Variants in PIK3R6 observed in about 807,000 individuals in gnomAD.
PIK3R6 encodes the protein phosphoinositide 3-kinase regulatory subunit 6.
In PIK3R6, 91 loss-of-function variants were observed where a neutral mutation model predicts 84.9. The observed-to-expected ratio is 1.07, with a 90% CI of 0.90 to 1.28. The LOEUF (loss-of-function observed/expected upper bound fraction) is 1.28, where lower values mean the gene tolerates loss of function less well. PIK3R6 is among the 50% of genes most tolerant of loss of function. The probability of loss-of-function intolerance (pLI) is 0.00; values close to 1 mark genes in which losing one functional copy is unlikely to be tolerated. For missense variants in PIK3R6, 996 were observed against 985.1 expected (o/e 1.01, Z -0.15); for synonymous variants, 416 against 411.4 (o/e 1.01, Z -0.13).
chr17:8,844,113 C>T lies in PIK3R6; in HGVS notation c.14-4416G>A, dbSNP rs963980735. 1.3e-5 allele frequency among the ~76,000 whole-genome samples: 2 copies of T among 152,148 alleles called. No individual in the cohort carries two copies. The highest frequency in any genetic ancestry group is 2.9e-5 in the Non-Finnish European group (2 of 68,024). Reference sequence around the variant, plus strand: ...GTGGCGGCAAAGGTCAGATGAAGGCCGCTAAGCACTGAGCCCTGTGCCTCT... The same window carrying T: ...GTGGCGGCAAAGGTCAGATGAAGGCTGCTAAGCACTGAGCCCTGTGCCTCT... On this transcript the variant is annotated intron_variant, in intron 2 of 19. Transcript: ENST00000619866. The surrounding 1 kb of genome is among the most constrained non-coding windows in gnomAD (Gnocchi z 4.5).
chr17:8,830,037 G>C (rs1357975436), intron 9 of PIK3R6, among the ~76,000 whole-genome samples: 1 of 152,148 alleles, frequency 6.6e-6, no homozygotes, highest in East Asian at 1.9e-4. Flanking sequence ...AACCCTTAGG[G>C]GGTCTTCACA....
chr17:8,804,820 G>A lies in PIK3R6; in HGVS notation c.1996-667C>T, dbSNP rs59037550. Among the ~76,000 whole-genome samples the A allele has an allele frequency of 3.3e-5, 5 of 152,298 alleles. No individual in the cohort carries two copies. The East Asian group carries it at 9.6e-4, about 29-fold the overall frequency. On this transcript the variant is annotated intron_variant, in intron 18 of 19. Transcript: ENST00000619866. The stretch of plus-strand genomic sequence containing the variant: ...GGTAATTTACAACCACAGAACCCTG[G>A]AGTTGCCAGAGGCCTCAGAGACCAT...
At chr17:8,847,794 C>T (rs1220356848) in intron 2 of PIK3R6, among the ~76,000 whole-genome samples, 2 of 148,374 alleles carry the variant, frequency 1.3e-5, no homozygotes, top group Non-Finnish European at 3.0e-5. Context: ...CAGAGAGAGA[C>T]TCTGTCTCAA....
At position 8,849,769 on chromosome 17, in the gene PIK3R6, C is replaced by T. The variant is rs116036624; in HGVS notation, c.13+13G>A. The T allele has an allele frequency of 1.7e-3, 2,711 of 1,611,624 alleles. 53 individuals carry two copies. The African/African-American group carries it at 0.033, about 19-fold the overall frequency. On this transcript the variant is annotated intron_variant, in intron 2 of 19. Coordinates refer to ENST00000619866, the MANE Select transcript of PIK3R6 (RefSeq NM_001010855.4). The stretch of plus-strand genomic sequence containing the variant: ...GCAGGCTCACTAGACCCCTTTCCCC[C>T]CACCACACTGACCTGAGCTCTCCAT...
chr17:8,832,783 C>A (rs1047456858), intron 9 of PIK3R6, 106 bp downstream of exon 9: 1 of 1,544,456 alleles, frequency 6.5e-7, no homozygotes, highest in South Asian at 1.2e-5. Context: ...GTCGGCCAGG[C>A]ACCCAGACAG....
At chr17:8,829,604 A>ACC (rs2088155887) in intron 10 of PIK3R6, 102 bp downstream of exon 10, 1 of 1,207,020 alleles carries the variant, frequency 8.3e-7, no homozygotes, top group African/African-American at 1.6e-5. Flanking sequence ...TCATGCATAC[A>ACC]CACACTGACA....
Position 8,822,580 on chromosome 17 carries a change from C to T in PIK3R6, c.1788+7G>A. The T allele has an allele frequency of 6.2e-7, 1 of 1,613,998 alleles. No individual in the cohort carries two copies. The highest frequency in any genetic ancestry group is 8.5e-7 in the Non-Finnish European group (1 of 1,179,848). ...GCTACCTACTGACCACGTCCATGCA[C>T]ACTGACCTTCTGGTAGCATAGGGAG... On this transcript the variant is annotated splice_region_variant and intron_variant, in intron 16 of 19. Transcript: ENST00000619866.
rs527500052 is a variant in PIK3R6 at position 8,804,141 on chromosome 17, T to C, written c.2008A>G (p.Thr670Ala). ...ATCTGGATATTGTTCGTCCTGAAGG[T>C]GTTGGTCACTGTCTGCAGCACAGAG... ...AGKSFSTVTN[T>A]FRTNNIQIQS... The change falls in exon 19 of 20, where the codon ACC (threonine) becomes GCC (alanine). Residue 670 changes from threonine to alanine, a missense_variant. Physicochemically the swap from Thr to Ala is moderately conservative, Grantham distance 58 (BLOSUM62 0). Transcript: ENST00000619866. The C allele has an allele frequency of 5.6e-6, 9 of 1,613,764 alleles. No homozygotes were observed. In the African/African-American group the frequency reaches 1.1e-4, roughly 19 times the overall value.
chr17:8,839,360 A>G lies in PIK3R6; in HGVS notation c.97+254T>C, dbSNP rs1396261913. Among the ~76,000 whole-genome samples, 5 of 59,082 alleles carry G rather than the reference A, an allele frequency of 8.5e-5. No homozygotes were observed. Among genetic ancestry groups the G allele is most frequent in the African/African-American group, 2.7e-4 (4 of 15,036 alleles). 38.8% of individuals were successfully genotyped at this position (59,082 alleles called of 152,430 possible). A position where few individuals can be genotyped will look rare whatever the true frequency, so the allele number is the denominator to read the frequency against. ...AGGACTCCATCTCAAAAACAAAAGA[A>G]AAAAAAAAGGAAAGAAAAAGGGTGG... On this transcript the variant is annotated intron_variant, in intron 3 of 19. Coordinates refer to ENST00000619866, the MANE Select transcript of PIK3R6 (RefSeq NM_001010855.4). The surrounding 1 kb of genome is among the most constrained non-coding windows in gnomAD (Gnocchi z 4.2).
intron 18 of PIK3R6, 114 bp from the exon 19 acceptor site, chr17:8,804,267 A>C: frequency 1.2e-6 from 1 of 816,384 alleles, no homozygotes; most frequent in Non-Finnish European, 2.0e-6. Flanking sequence ...TGGGGTCCCC[A>C]GCTCTCCTCC....
chr17:8,867,446 C>CT, intron 1 of PIK3R6, 83 bp downstream of exon 1: 1 of 207,028 alleles, frequency 4.8e-6, no homozygotes, highest in Non-Finnish European at 1.0e-5. Flanking sequence ...AGGGGCTCCC[C>CT]TTCCAGGTCC....
At chr17:8,838,919 A>G (rs1473269895) in intron 3 of PIK3R6, among the ~76,000 whole-genome samples, 5 of 152,224 alleles carry the variant, frequency 3.3e-5, no homozygotes, top group Admixed American at 6.5e-5. Context: ...CAGGTGTGTG[A>G]CAGGTGTATG....
chr17:8,822,733 C>A (rs1309338520), intron 15 of PIK3R6, 76 bp from the exon 16 acceptor site: 2 of 1,457,220 alleles, frequency 1.4e-6, no homozygotes, highest in East Asian at 4.6e-5. Flanking sequence ...TCTCTGAGGG[C>A]AGGAGCTGAG....
At chr17:8,821,652 G>A (rs1203896671) in intron 17 of PIK3R6, among the ~76,000 whole-genome samples, 194 bp downstream of exon 17, 2 of 152,084 alleles carry the variant, frequency 1.3e-5, no homozygotes, top group East Asian at 3.9e-4. Context: ...GGCTGCTGAG[G>A]CTCAATCCAG....
intron 2 of PIK3R6, among the ~76,000 whole-genome samples, chr17:8,848,794 C>T (rs2088871188): frequency 6.6e-6 from 1 of 152,130 alleles, no homozygotes; most frequent in Admixed American, 6.5e-5. Flanking sequence ...TTGCCTGACT[C>T]CATGGAGCTA....
intron 2 of PIK3R6, among the ~76,000 whole-genome samples, chr17:8,841,448 C>G (rs1297707293): frequency 6.6e-6 from 1 of 152,210 alleles, no homozygotes; most frequent in Non-Finnish European, 1.5e-5. Flanking sequence ...AAGAATTTGA[C>G]TTGTGCCTCT....
chr17:8,822,053 T>TTTC, intron 16 of PIK3R6, 117 bp from the exon 17 acceptor site: 1 of 89,182 alleles, frequency 1.1e-5, no homozygotes, highest in Non-Finnish European at 2.1e-5. Context: ...TGTGAGAGTC[T>TTTC]TTTTTTTTTT....
Position 8,832,975 on chromosome 17 carries a change from T to C in PIK3R6, c.716A>G (p.Glu239Gly). Residue 239 changes from glutamate to glycine, a missense_variant, in exon 9 of 20, where the codon GAG (glutamate) becomes GGG (glycine). Glu to Gly is a moderately conservative substitution (Grantham distance 98). Transcript: ENST00000619866. ...GTGTCCCTCCCGGCTCGGGCTGGCC[T>C]CGCTGGCCATCTGCTCCAAGGCGGC... Reference protein sequence around the residue: ...VVAALEQMASEASPSREGHVE... With the variant: ...VVAALEQMASGASPSREGHVE... 1.2e-6 allele frequency: 2 copies of C among 1,612,118 alleles called. No homozygotes were observed. The highest frequency in any genetic ancestry group is 2.2e-5 in the South Asian group (2 of 91,072).
chr17:8,809,212 A>G (rs1009811094), intron 18 of PIK3R6, among the ~76,000 whole-genome samples: 2 of 152,208 alleles, frequency 1.3e-5, no homozygotes, highest in African/African-American at 4.8e-5. Flanking sequence ...AAATTAATAA[A>G]TGAAAGAGAA....
Sources: allele counts gnomAD v4.1 joint callset (sites outside exome capture counted in the v4.1 genomes callset), GRCh38; gene constraint gnomAD v4.1.1; non-coding constraint Gnocchi (gnomAD v3.1); transcripts MANE v1.5; gene names NCBI Gene and HGNC (gene_info 2026-07-23, HGNC 2026-07-21).